Variants in CEP128 observed in about 807,000 individuals in gnomAD.
CEP128 encodes the protein centrosomal protein 128kDa.
Under a neutral mutation model 156.7 loss-of-function variants are expected in CEP128, and 132 were observed. The observed-to-expected ratio is 0.84, with a 90% CI of 0.73 to 0.97. The LOEUF (loss-of-function observed/expected upper bound fraction) is 0.97, where lower values mean the gene tolerates loss of function less well. Ranked by LOEUF, CEP128 falls within the 50% of genes least tolerant of loss-of-function variation. CEP128 has a pLI of 0.00. For missense variants in CEP128, 1,252 were observed against 1,281.9 expected, an observed-to-expected ratio of 0.98 and a Z score of 0.36; for synonymous variants, 469 against 448.9, an observed-to-expected ratio of 1.04 and a Z score of -0.57.
chr14:80,816,388 C>T (rs1437411958), intron 13 of CEP128, among the ~76,000 whole-genome samples: 1 of 152,156 alleles, frequency 6.6e-6, no homozygotes, highest in Non-Finnish European at 1.5e-5. Context: ...GCTTCCTTCC[C>T]CCAATCAGCC....
chr14:80,666,979 C>T (rs995943516), intron 19 of CEP128, among the ~76,000 whole-genome samples: 2 of 152,156 alleles, frequency 1.3e-5, no homozygotes, highest in Non-Finnish European at 2.9e-5. Flanking sequence ...TATATAAAAA[C>T]AAGAAGCCAG....
chr14:80,873,688 G>C (rs983234061), intron 8 of CEP128, among the ~76,000 whole-genome samples: 2 of 152,012 alleles, frequency 1.3e-5, no homozygotes, highest in Non-Finnish European at 2.9e-5. Context: ...ATTTGGTGGT[G>C]TCCCCACCCA....
At chr14:80,801,316 G>C (rs1883833685) in intron 13 of CEP128, among the ~76,000 whole-genome samples, 1 of 152,080 alleles carries the variant, frequency 6.6e-6, no homozygotes, top group Non-Finnish European at 1.5e-5. Context: ...TCTTGTACCG[G>C]TTTTCAAAGG....
chr14:80,820,164 T>C (rs1025598560), intron 13 of CEP128, among the ~76,000 whole-genome samples: 3 of 152,210 alleles, frequency 2.0e-5, no homozygotes, highest in Admixed American at 1.3e-4. Flanking sequence ...TTTCACAATA[T>C]ATTAACAATA....
At chr14:80,826,804 A>G (rs1267872725) in intron 13 of CEP128, among the ~76,000 whole-genome samples, 1 of 147,034 alleles carries the variant, frequency 6.8e-6, no homozygotes, top group Non-Finnish European at 1.5e-5. Flanking sequence ...TTAAAAGTCA[A>G]ATTTTTTTTC....
At chr14:80,852,764 A>G (rs1886957536) in intron 9 of CEP128, among the ~76,000 whole-genome samples, 1 of 151,834 alleles carries the variant, frequency 6.6e-6, no homozygotes, top group Admixed American at 6.6e-5. Context: ...CTCTTACACA[A>G]AACTAAACCA....
At chr14:80,653,504 A>G (rs1170699074) in intron 19 of CEP128, among the ~76,000 whole-genome samples, 4 of 152,270 alleles carry the variant, frequency 2.6e-5, no homozygotes, top group African/African-American at 7.2e-5. Flanking sequence ...TACACTAAAC[A>G]GATTTTCTAT....
At chr14:80,769,940 C>G (rs1900433285) in intron 16 of CEP128, among the ~76,000 whole-genome samples, 1 of 152,166 alleles carries the variant, frequency 6.6e-6, no homozygotes, top group South Asian at 2.1e-4. Context: ...ACAGAACTTT[C>G]ATGTTGCCTA....
intron 20 of CEP128, among the ~76,000 whole-genome samples, chr14:80,562,484 T>G (rs2140379640): frequency 1.3e-5 from 2 of 152,230 alleles, no homozygotes; most frequent in Middle Eastern, 6.8e-3. Context: ...CTTCATGAAC[T>G]TCTTATTTGA....
chr14:80,573,113 C>T (rs917848323), intron 20 of CEP128, among the ~76,000 whole-genome samples: 4 of 147,026 alleles, frequency 2.7e-5, no homozygotes, highest in East Asian at 4.0e-4. Flanking sequence ...TTAGTAGAGA[C>T]GGGGTTTCAC....
chr14:80,491,421 AAAAG>A (rs1887321877), intron 6 of CEP128, among the ~76,000 whole-genome samples: 1 of 152,104 alleles, frequency 6.6e-6, no homozygotes, highest in Non-Finnish European at 1.5e-5. Context: ...GAGGGGGGGA[AAAAG>A]AAAGAAAGAA....
At chr14:80,484,646 T>G (rs919890348) in intron 14 of CEP128, among the ~76,000 whole-genome samples, 6 of 152,194 alleles carry the variant, frequency 3.9e-5, no homozygotes, top group Non-Finnish European at 8.8e-5. Flanking sequence ...GCAGGTAATT[T>G]CATACACATT....
chr14:80,560,424 CA>C (rs960161171), intron 20 of CEP128, among the ~76,000 whole-genome samples: 1 of 151,546 alleles, frequency 6.6e-6, no homozygotes, highest in Non-Finnish European at 1.5e-5. Flanking sequence ...GACTACACCT[CA>C]AAAAAATAAA....
At chr14:80,764,234 C>G (rs1900118884) in intron 16 of CEP128, among the ~76,000 whole-genome samples, 1 of 151,508 alleles carries the variant, frequency 6.6e-6, no homozygotes, top group Admixed American at 6.6e-5. Context: ...CGCGGTGGCT[C>G]ACGCCTGTAA....
chr14:80,482,708 C>G (rs1218927891), intron 14 of CEP128, among the ~76,000 whole-genome samples: 1 of 152,132 alleles, frequency 6.6e-6, no homozygotes, highest in Admixed American at 6.6e-5. Flanking sequence ...ACTTTATGAC[C>G]TAAACTTCAA....
chr14:80,920,272 A>G (rs1329003627), intron 2 of CEP128, among the ~76,000 whole-genome samples: 1 of 152,142 alleles, frequency 6.6e-6, no homozygotes, highest in African/African-American at 2.4e-5. Context: ...ATCATCAGCC[A>G]ACACCACTAC....
intron 21 of CEP128, among the ~76,000 whole-genome samples, chr14:80,546,688 G>A (rs181163876): frequency 6.6e-6 from 1 of 152,112 alleles, no homozygotes; most frequent in Non-Finnish European, 1.5e-5. Flanking sequence ...ACCATGTCAA[G>A]GCCTCTGCTG....
chr14:80,946,339 T>C, upstream of CEP128, among the ~76,000 whole-genome samples: 1 of 136,690 alleles, frequency 7.3e-6, no homozygotes, highest in Non-Finnish European at 1.6e-5. Flanking sequence ...TGATGATGCC[T>C]CATGATGCAT....
intron 15 of CEP128, among the ~76,000 whole-genome samples, chr14:80,783,080 C>A (rs1901212254): frequency 1.3e-5 from 2 of 152,050 alleles, no homozygotes; most frequent in Non-Finnish European, 2.9e-5. Context: ...AACTCTTGAC[C>A]CTACTAATTA....
Sources: gnomAD v4.1 joint callset for allele counts (sites outside exome capture counted in the v4.1 genomes callset) on GRCh38, gnomAD v4.1.1 for gene constraint, MANE v1.5 for transcripts, NCBI Gene and HGNC (gene_info 2026-07-23, HGNC 2026-07-21) for gene names.